Variants in PTK2B observed in about 807,000 individuals in gnomAD.
PTK2B encodes the protein protein-tyrosine kinase 2-beta.
Under a neutral mutation model 142.9 loss-of-function variants are expected in PTK2B, and 71 were observed. That is an observed-to-expected ratio of 0.50 (90% CI 0.41 to 0.61). The LOEUF (loss-of-function observed/expected upper bound fraction) is 0.61, where lower values mean the gene tolerates loss of function less well. PTK2B is among the 20% of genes least tolerant of loss of function. PTK2B has a pLI of 0.00. For synonymous variants in PTK2B, 519 were observed against 503.4 expected, an observed-to-expected ratio of 1.03 and a Z score of -0.42; for missense variants, 1,105 against 1,320.4, an observed-to-expected ratio of 0.84 and a Z score of 2.53.
At chr8:27,340,774 C>T (rs1036738522) in intron 1 of PTK2B, among the ~76,000 whole-genome samples, 1 of 152,198 alleles carries the variant, frequency 6.6e-6, no homozygotes, top group Non-Finnish European at 1.5e-5. Flanking sequence ...AGGTGCCAGC[C>T]CTCCAGGGGC....
chr8:27,439,438 T>C (rs1348717162), intron 20 of PTK2B, 40 bp downstream of exon 20: 2 of 1,571,336 alleles, frequency 1.3e-6, no homozygotes, highest in East Asian at 2.2e-5. Context: ...GGTGTTCAGA[T>C]TCTCACTTCT....
chr8:27,429,788 C>T (rs1438568116), intron 5 of PTK2B, among the ~76,000 whole-genome samples: 1 of 152,198 alleles, frequency 6.6e-6, no homozygotes, highest in East Asian at 1.9e-4. Context: ...CATTGGCTGC[C>T]TTGGGCCTTT....
At chr8:27,427,042 C>T (rs1287959145) in intron 5 of PTK2B, among the ~76,000 whole-genome samples, 2 of 152,270 alleles carry the variant, frequency 1.3e-5, no homozygotes, top group South Asian at 4.1e-4. Context: ...GACCACTCTC[C>T]GTCGTGGCTG....
intron 2 of PTK2B, among the ~76,000 whole-genome samples, chr8:27,401,069 G>A (rs1162638912): frequency 6.6e-6 from 1 of 152,182 alleles, no homozygotes; most frequent in African/African-American, 2.4e-5. Context: ...AACCTGGAAG[G>A]TGGAGGTTGC....
chr8:27,426,843 T>G (rs987920194), intron 5 of PTK2B, among the ~76,000 whole-genome samples: 2 of 152,236 alleles, frequency 1.3e-5, no homozygotes, highest in Non-Finnish European at 2.9e-5. Flanking sequence ...CATGCTAAAA[T>G]GCTCTTATTT....
chr8:27,404,979 A>C (rs899860638), intron 2 of PTK2B, among the ~76,000 whole-genome samples: 1 of 149,076 alleles, frequency 6.7e-6, no homozygotes, highest in African/African-American at 2.5e-5. Context: ...CTTATAAAAG[A>C]GGAAGAGGCT....
intron 1 of PTK2B, among the ~76,000 whole-genome samples, chr8:27,385,680 G>T (rs1354980602): frequency 6.6e-6 from 1 of 152,140 alleles, no homozygotes; most frequent in Admixed American, 6.5e-5. Context: ...ATCACTTGAG[G>T]CCAGGAGTTC....
At chr8:27,434,445 C>A (rs141348495) in intron 12 of PTK2B, 68 bp from the exon 13 acceptor site, 13 of 1,509,094 alleles carry the variant, frequency 8.6e-6, no homozygotes, top group Non-Finnish European at 1.2e-5. Context: ...GAGGGCGGGC[C>A]GAGGCTGCCC....
intron 27 of PTK2B, 126 bp from the exon 28 acceptor site, chr8:27,452,988 T>G (rs1249705338): frequency 8.7e-7 from 1 of 1,155,228 alleles, no homozygotes; most frequent in Non-Finnish European, 1.3e-6. Flanking sequence ...CTTCCTGGAT[T>G]CAGAGTTAAT....
chr8:27,438,168 C>A (rs183144111), intron 18 of PTK2B, among the ~76,000 whole-genome samples: 2 of 152,182 alleles, frequency 1.3e-5, no homozygotes, highest in African/African-American at 2.4e-5. Context: ...GCCAGGAAAT[C>A]GCCCCCAACC....
intron 2 of PTK2B, among the ~76,000 whole-genome samples, chr8:27,409,332 G>T (rs1808914599): frequency 6.6e-6 from 1 of 152,168 alleles, no homozygotes; most frequent in Non-Finnish European, 1.5e-5. Context: ...CTTCCCAGGG[G>T]CCCTCATAGT....
intron 2 of PTK2B, among the ~76,000 whole-genome samples, chr8:27,418,450 G>A (rs760759361): frequency 7.9e-5 from 12 of 152,194 alleles, no homozygotes; most frequent in Non-Finnish European, 4.4e-5. Context: ...ACTGATTACA[G>A]TTGATTGACT....
chr8:27,311,016 T>TGTG (rs1802934841), upstream of PTK2B: 1 of 1,609,770 alleles, frequency 6.2e-7, no homozygotes, highest in African/African-American at 1.3e-5. Context: ...TTGTTGAGGG[T>TGTG]GTGGTTGGTG....
intron 1 of PTK2B, among the ~76,000 whole-genome samples, chr8:27,348,031 A>C: frequency 6.6e-6 from 1 of 152,220 alleles, no homozygotes; most frequent in East Asian, 1.9e-4. Flanking sequence ...AGCAATGTGG[A>C]CCTGGAGAGG....
At chr8:27,338,427 A>G (rs1247980195) in intron 1 of PTK2B, among the ~76,000 whole-genome samples, 1 of 152,120 alleles carries the variant, frequency 6.6e-6, no homozygotes, top group Non-Finnish European at 1.5e-5. Context: ...ATAAAAGACA[A>G]ATTGGATGCA....
At chr8:27,334,858 T>A (rs1041731457) in intron 1 of PTK2B, among the ~76,000 whole-genome samples, 7 of 152,160 alleles carry the variant, frequency 4.6e-5, no homozygotes, top group Non-Finnish European at 8.8e-5. Context: ...GGTGGAGATT[T>A]CCTACAGCCG....
chr8:27,457,864 A>G (rs918332127), intron 30 of PTK2B, among the ~76,000 whole-genome samples: 6 of 151,698 alleles, frequency 4.0e-5, no homozygotes, highest in African/African-American at 1.5e-4. Flanking sequence ...AATCCCAGCT[A>G]CTCGGGAGGC....
chr8:27,350,634 A>AT (rs1563210290), intron 1 of PTK2B, among the ~76,000 whole-genome samples: 1 of 152,118 alleles, frequency 6.6e-6, no homozygotes, highest in East Asian at 1.9e-4. Context: ...GAGGTCGGAC[A>AT]TAACACAAGT....
At chr8:27,395,864 T>G (rs1808015031) in intron 1 of PTK2B, among the ~76,000 whole-genome samples, 2 of 152,200 alleles carry the variant, frequency 1.3e-5, no homozygotes, top group South Asian at 4.1e-4. Context: ...GATTCCTTGT[T>G]GAAGGTCAGG....
Sources: allele counts gnomAD v4.1 joint callset (sites outside exome capture counted in the v4.1 genomes callset), GRCh38; gene constraint gnomAD v4.1.1; transcripts MANE v1.5; gene names NCBI Gene and HGNC (gene_info 2026-07-23, HGNC 2026-07-21).